FMNL1: variants seen among roughly 807,000 people sequenced by gnomAD.
FMNL1 encodes the protein formin like 1.
FMNL1 carries 43 observed loss-of-function variants against 121.3 expected under a neutral mutation model. The ratio of observed to expected loss-of-function variants is 0.35; its 90% confidence interval spans 0.28 to 0.46. The LOEUF (loss-of-function observed/expected upper bound fraction) is 0.46. Ranked by LOEUF, FMNL1 falls within the 20% of genes least tolerant of loss-of-function variation. FMNL1 has a pLI of 1.00. For synonymous variants in FMNL1, 613 were observed against 613.5 expected (o/e 1.00, Z 0.01); for missense variants, 1,191 against 1,482.4 (o/e 0.80, Z 3.23).
At position 45,241,758 on chromosome 17, in the gene FMNL1, G is replaced by C; in HGVS notation, c.1586-89G>C. 7.0e-7 allele frequency: 1 copy of C among 1,425,336 alleles called. No homozygotes were observed. The highest frequency in any genetic ancestry group is 1.5e-5 in the South Asian group (1 of 66,740). 88.3% of individuals were successfully genotyped at this position (1,425,336 alleles called of 1,614,324 possible). A position where few individuals can be genotyped will look rare whatever the true frequency, so the allele number is the denominator to read the frequency against. ...TTGTAGGCTCGGCTCAGGTAGGAGCGCATGCGTAGAGCGGAGAGGCGGAGA... is the reference window on the plus strand; with the variant it reads ...TTGTAGGCTCGGCTCAGGTAGGAGCCCATGCGTAGAGCGGAGAGGCGGAGA... On this transcript the variant is annotated intron_variant, in intron 14 of 26. Coordinates refer to ENST00000331495, the MANE Select transcript of FMNL1 (RefSeq NM_005892.4). This position sits in a 1 kb window ranked among gnomAD's most constrained non-coding sequence, Gnocchi z 7.0.
At chr17:45,236,933 G>A (rs914399923) in intron 7 of FMNL1, among the ~76,000 whole-genome samples, 6 of 152,060 alleles carry the variant, frequency 3.9e-5, no homozygotes, top group East Asian at 3.9e-4. Flanking sequence ...CCAATATGGC[G>A]AAACCCCGTC....
Position 45,243,812 on chromosome 17 carries a change from C to T in FMNL1, c.2235C>T (p.Gly745=). ...AIEAYDLQAL[G]LDFLELLMRF... ...ACAGGTACGACCTGCAGGCTCTGGG[C>T]CTGGACTTCCTGGAGCTGCTGATGC... Residue 745 remains glycine (G), a synonymous_variant, in exon 18 of 27, where the codon GGC becomes GGT. Coordinates refer to ENST00000331495, the MANE Select transcript of FMNL1 (RefSeq NM_005892.4). 2 of 1,612,312 alleles carry T rather than the reference C, an allele frequency of 1.2e-6. No individual in the cohort carries two copies. Among genetic ancestry groups the T allele is most frequent in the Non-Finnish European group, 1.7e-6 (2 of 1,178,796 alleles).
intron 6 of FMNL1, among the ~76,000 whole-genome samples, chr17:45,235,150 CACTT>C (rs2043524908): frequency 6.6e-6 from 1 of 152,208 alleles, no homozygotes; most frequent in Non-Finnish European, 1.5e-5. Flanking sequence ...ATTTTTTTAA[CACTT>C]AGTATGTATT....
intron 12 of FMNL1, chr17:45,240,901 C>G (rs2043674382): frequency 4.3e-6 from 3 of 697,398 alleles, no homozygotes; most frequent in East Asian, 5.4e-5. Context: ...GGGCCCCTCC[C>G]AGCTCAGTCT....
chr17:45,222,331 C>T (rs1375560236), intron 1 of FMNL1, 78 bp downstream of exon 1: 3 of 1,076,290 alleles, frequency 2.8e-6, no homozygotes, highest in Non-Finnish European at 3.4e-6. Flanking sequence ...CGCGTCCCCG[C>T]CCCCGGGGAC....
chr17:45,245,189 T>C, intron 21 of FMNL1, 64 bp from the exon 22 acceptor site: 18 of 1,612,680 alleles, frequency 1.1e-5, no homozygotes, highest in Admixed American at 1.7e-5. Flanking sequence ...GGCCACAGTA[T>C]ATAATTGGTG....
Position 45,222,161 on chromosome 17 carries a change from G to A in FMNL1, c.37G>A (p.Gly13Ser), listed in dbSNP as rs530698237. ...GGCCGGCAGCGCCGAGCAGCCCGCGGGCCCCGCCGCGCCGCCCCCCAAGCA... is the reference window on the plus strand; with the variant it reads ...GGCCGGCAGCGCCGAGCAGCCCGCGAGCCCCGCCGCGCCGCCCCCCAAGCA... ...NAAGSAEQPA[G>S]PAAPPPKQPA... The change falls in exon 1 of 27, where the codon GGC becomes AGC. Residue 13 changes from glycine to serine, a missense_variant. Around this residue, in one of 4 missense-constraint regions of FMNL1, gnomAD observed 52 missense variants for 43.4 expected, o/e 1.20. Transcript: ENST00000331495. 4.9e-4 allele frequency: 589 copies of A among 1,207,602 alleles called. No individual in the cohort carries two copies. In the African/African-American group the frequency reaches 7.8e-3, roughly 16 times the overall value. The allele number at this position is 1,207,602 out of a possible 1,614,324, so 74.8% of individuals were successfully genotyped here. A position where few individuals can be genotyped will look rare whatever the true frequency, so the allele number is the denominator to read the frequency against.
chr17:45,246,434 T>C, intron 25 of FMNL1, 71 bp from the exon 26 acceptor site: 1 of 1,613,208 alleles, frequency 6.2e-7, no homozygotes, highest in South Asian at 1.1e-5. Flanking sequence ...ACACTGCTTC[T>C]TGCTACCTTT....
At position 45,241,932 on chromosome 17, in the gene FMNL1, C is replaced by G. The variant is rs2043708754; in HGVS notation, c.1671C>G (p.Ala557=). The G allele has an allele frequency of 1.5e-6, 2 of 1,374,740 alleles. No individual in the cohort carries two copies. Among genetic ancestry groups the G allele is most frequent in the African/African-American group, 1.5e-5 (1 of 64,804 alleles). 85.2% of individuals were successfully genotyped at this position (1,374,740 alleles called of 1,614,324 possible). A position where few individuals can be genotyped will look rare whatever the true frequency, so the allele number is the denominator to read the frequency against. Residue 557 remains alanine (A), a synonymous_variant, in exon 15 of 27, where the codon GCC becomes GCG. Coordinates refer to ENST00000331495, the MANE Select transcript of FMNL1 (RefSeq NM_005892.4). The surrounding 1 kb of genome is among the most constrained non-coding windows in gnomAD (Gnocchi z 7.0). ...CCGGCCTCCCCTCCCCGCAGGAAGC[C>G]CCGCCCTCTGCGCCCCCACAGGCCC... ...PLPGLPSPQE[A]PPSAPPQAPP...
chr17:45,243,458 TC>T, intron 17 of FMNL1, 138 bp downstream of exon 17: 1 of 1,073,410 alleles, frequency 9.3e-7, no homozygotes, highest in Non-Finnish European at 1.3e-6. Flanking sequence ...AGGAAACTTG[TC>T]CCCATTTTAA....
Position 45,234,331 on chromosome 17 carries a change from G to T in FMNL1, c.614+131G>T, listed in dbSNP as rs552137406. Reference sequence around the variant, plus strand: ...GCCATGCATTAGGGGTCCGAGTAAGGGACTCATACAGAGTTTGGGACACCA... The same window carrying T: ...GCCATGCATTAGGGGTCCGAGTAAGTGACTCATACAGAGTTTGGGACACCA... On this transcript the variant is annotated intron_variant, in intron 6 of 26. Coordinates refer to ENST00000331495, the MANE Select transcript of FMNL1 (RefSeq NM_005892.4). The T allele has an allele frequency of 3.6e-5, 54 of 1,482,420 alleles. No individual in the cohort carries two copies. The South Asian group carries it at 6.0e-4, about 16-fold the overall frequency. The allele number at this position is 1,482,420 out of a possible 1,614,324, so 91.8% of individuals were successfully genotyped here.
chr17:45,222,108 G>T lies in FMNL1; in HGVS notation c.-17G>T, dbSNP rs1275940436. The T allele has an allele frequency of 3.5e-6, 4 of 1,151,014 alleles. No individual in the cohort carries two copies. Among genetic ancestry groups the T allele is most frequent in the Admixed American group, 4.8e-5 (1 of 20,814 alleles). The allele number at this position is 1,151,014 out of a possible 1,614,324, so 71.3% of individuals were successfully genotyped here. On this transcript the variant is annotated 5_prime_UTR_variant, in exon 1 of 27. Coordinates refer to ENST00000331495, the MANE Select transcript of FMNL1 (RefSeq NM_005892.4). ...TTCCGAGGCTGGAGGCGCCTGGCCG[G>T]CTGGGTGGGGACCACCATGGGCAAC...
chr17:45,245,159 A>G (rs1056744180), intron 21 of FMNL1, 51 bp downstream of exon 21: 1 of 1,609,910 alleles, frequency 6.2e-7, no homozygotes, highest in African/African-American at 1.3e-5. Flanking sequence ...GGGCTGGGGT[A>G]GGTTGGGAGA....
chr17:45,226,443 T>C (rs2043331520), intron 1 of FMNL1, among the ~76,000 whole-genome samples: 1 of 152,174 alleles, frequency 6.6e-6, no homozygotes, highest in Non-Finnish European at 1.5e-5. Flanking sequence ...CCAGGCTGTC[T>C]GCAGAAGACC....
At position 45,246,263 on chromosome 17, in the gene FMNL1, G is replaced by A; in HGVS notation, c.3144G>A (p.Arg1048=). 1 of 1,614,064 alleles carries A rather than the reference G, an allele frequency of 6.2e-7. No individual in the cohort carries two copies. Among genetic ancestry groups the A allele is most frequent in the Non-Finnish European group, 8.5e-7 (1 of 1,179,962 alleles). ...TGGACCTCATCTCTGAGCTGAAACG[G>A]AGGCAGCAGAAGGAGCCACTCATTT... The part of the protein sequence containing the change: ...PQMDLISELK[R]RQQKEPLIYE... Residue 1048 remains arginine, a synonymous_variant, in exon 25 of 27, where the codon CGG becomes CGA. Transcript: ENST00000331495.
At chr17:45,244,316 C>T (rs1158908360) in intron 19 of FMNL1, 72 bp downstream of exon 19, 25 of 1,489,144 alleles carry the variant, frequency 1.7e-5, no homozygotes, top group Non-Finnish European at 2.2e-5. Context: ...AGGCCCTGCT[C>T]ACCTGCAATG....
chr17:45,244,924 G>A (rs1437548343), intron 20 of FMNL1, 25 bp downstream of exon 20: 2 of 1,613,094 alleles, frequency 1.2e-6, no homozygotes, highest in East Asian at 4.5e-5. Flanking sequence ...CTGGCTTGGG[G>A]ACTGGGGCTG....
chr17:45,244,953 G>C (rs769048471), intron 20 of FMNL1, 26 bp from the exon 21 acceptor site: 13 of 1,611,898 alleles, frequency 8.1e-6, no homozygotes, highest in Non-Finnish European at 1.1e-5. Flanking sequence ...CTGGTGGCCT[G>C]TGGCTTACAA....
At position 45,243,335 on chromosome 17, in the gene FMNL1, C is replaced by T; in HGVS notation, c.2213+15C>T. ...GCCATTGAGGCGTGAGTGTCCCTGTCCTGGGTTTGTGGGCAGTCCGGCCCC... is the reference window on the plus strand; with the variant it reads ...GCCATTGAGGCGTGAGTGTCCCTGTTCTGGGTTTGTGGGCAGTCCGGCCCC... On this transcript the variant is annotated intron_variant, in intron 17 of 26. Transcript: ENST00000331495. 1.2e-6 allele frequency: 2 copies of T among 1,612,172 alleles called. No individual in the cohort carries two copies. The highest frequency in any genetic ancestry group is 8.5e-7 in the Non-Finnish European group (1 of 1,179,488).
Sources: gnomAD v4.1 joint callset for allele counts (sites outside exome capture counted in the v4.1 genomes callset) on GRCh38, gnomAD v4.1.1 for gene constraint, gnomAD v4.1.1 regional missense constraint, Gnocchi (gnomAD v3.1) non-coding constraint, MANE v1.5 for transcripts, NCBI Gene and HGNC (gene_info 2026-07-23, HGNC 2026-07-21) for gene names.